GEMIN5: variants seen among roughly 807,000 people sequenced by gnomAD.
GEMIN5 encodes gem nuclear organelle associated protein 5.
GEMIN5 carries 124 observed loss-of-function variants against 176.9 expected under a neutral mutation model. The observed-to-expected ratio is 0.70, with a 90% confidence interval of 0.61 to 0.81. GEMIN5 has a LOEUF of 0.81. Ranked by LOEUF, GEMIN5 falls within the 40% of genes least tolerant of loss-of-function variation. The probability of loss-of-function intolerance (pLI) is 0.00; values close to 1 mark genes in which losing one functional copy is unlikely to be tolerated. For missense variants in GEMIN5, 1,843 were observed against 1,814.6 expected (o/e 1.02, Z -0.28); for synonymous variants, 673 against 665.2 (o/e 1.01, Z -0.18).
intron 5 of GEMIN5, among the ~76,000 whole-genome samples, chr5:154,929,970 T>C (rs1011893979): frequency 9.9e-5 from 15 of 152,128 alleles, no homozygotes; most frequent in African/African-American, 3.6e-4. Flanking sequence ...GAGATATGAG[T>C]TCTAAATTTC....
At chr5:154,906,282 C>T (rs757300922) in intron 16 of GEMIN5, among the ~76,000 whole-genome samples, 3 of 152,196 alleles carry the variant, frequency 2.0e-5, no homozygotes, top group Non-Finnish European at 4.4e-5. Flanking sequence ...AGGCATGAAC[C>T]ACCATGCCCG....
rs756809913 is a variant in GEMIN5 at position 154,921,336 on chromosome 5, T to C, written c.1462+7A>G. On this transcript the variant is annotated splice_region_variant and intron_variant, in intron 10 of 27. Transcript: ENST00000285873. ...CATATTTGTTATGGAATTGTTCAGATACTTACCAAGTGACATGGGGGGTAC... is the reference window on the plus strand; with the variant it reads ...CATATTTGTTATGGAATTGTTCAGACACTTACCAAGTGACATGGGGGGTAC... 1 of 1,106,066 alleles carries C rather than the reference T, an allele frequency of 9.0e-7. No homozygotes were observed. The highest frequency in any genetic ancestry group is 1.4e-6 in the Non-Finnish European group (1 of 719,428). The allele number at this position is 1,106,066 out of a possible 1,614,324, so 68.5% of individuals were successfully genotyped here.
At position 154,937,950 on chromosome 5, in the gene GEMIN5, C is replaced by G; in HGVS notation, c.166+18G>C. The G allele has an allele frequency of 6.4e-7, 1 of 1,556,780 alleles. No individual in the cohort carries two copies. Among genetic ancestry groups the G allele is most frequent in the Non-Finnish European group, 8.7e-7 (1 of 1,154,694 alleles). ...GTACAAAGGGCAGTAAGTCTCGGGC[C>G]CAAGGGTGGTGAGTTACCTCGAAAC... is the stretch of plus-strand genomic sequence containing the variant. On this transcript the variant is annotated intron_variant, in intron 1 of 27. Coordinates refer to ENST00000285873, the MANE Select transcript of GEMIN5 (RefSeq NM_015465.5).
chr5:154,928,994 C>A (rs1212687293), intron 5 of GEMIN5, among the ~76,000 whole-genome samples: 4 of 151,424 alleles, frequency 2.6e-5, no homozygotes, highest in African/African-American at 4.9e-5. Flanking sequence ...GAGGCCGAGG[C>A]GGGAGGATCA....
At chr5:154,891,186 T>C in intron 26 of GEMIN5, 55 bp downstream of exon 26, 2 of 1,527,804 alleles carry the variant, frequency 1.3e-6, no homozygotes, top group Non-Finnish European at 1.8e-6. Context: ...TGAACCACTG[T>C]TCCTAGCCAG....
In GEMIN5 at chr5:154,936,005, T is replaced by C; in HGVS notation, c.345A>G (p.Leu115=). Residue 115 remains leucine (L), a synonymous_variant, in exon 3 of 28, where the codon TTA becomes TTG. Transcript: ENST00000285873. ...AGTCCTTTACTCGAGGAGACCAATG[T>C]AATGTTGATATCGTATGCTTTAAAA... ...HALHQHTIST[L]HWSPRVKDLI... is the part of the protein sequence containing the mutation. 6.2e-7 allele frequency: 1 copy of C among 1,603,190 alleles called. No individual in the cohort carries two copies. Among genetic ancestry groups the C allele is most frequent in the Non-Finnish European group, 8.5e-7 (1 of 1,175,252 alleles).
chr5:154,891,370 T>G lies in GEMIN5; in HGVS notation c.4133A>C (p.Gln1378Pro). ...TCGGATCATTTCTGCCAAGGTCTCT[T>G]GGACTTCAGCAACAGTTCTCTGTGA... ...QNSQRTVAEVQETLAEMIRQH... is the reference protein window; with the variant it reads ...QNSQRTVAEVPETLAEMIRQH... The change falls in exon 26 of 28, where the codon CAA (glutamine) becomes CCA (proline). Residue 1378 changes from glutamine (Q) to proline (P), a missense_variant. Transcript: ENST00000285873. 2 of 1,614,162 alleles carry G rather than the reference T, an allele frequency of 1.2e-6. No individual in the cohort carries two copies. Among genetic ancestry groups the G allele is most frequent in the Non-Finnish European group, 1.7e-6 (2 of 1,180,024 alleles).
intron 11 of GEMIN5, among the ~76,000 whole-genome samples, chr5:154,919,298 C>T (rs994471059): frequency 1.3e-5 from 2 of 152,078 alleles, no homozygotes; most frequent in African/African-American, 2.4e-5. Context: ...CGCCACTGCA[C>T]TCCAGCCTGA....
Position 154,925,924 on chromosome 5 carries a change from A to G in GEMIN5, c.1231T>C (p.Ser411Pro). 7 of 1,613,524 alleles carry G rather than the reference A, an allele frequency of 4.3e-6. No homozygotes were observed. Among genetic ancestry groups the G allele is most frequent in the Non-Finnish European group, 5.9e-6 (7 of 1,179,436 alleles). The change falls in exon 8 of 28, where the codon TCC becomes CCC. Residue 411 changes from serine (S) to proline (P), a missense_variant. Ser to Pro is a moderately conservative substitution (Grantham distance 74). Coordinates refer to ENST00000285873, the MANE Select transcript of GEMIN5 (RefSeq NM_015465.5). ...DGMIRVWNTL[S>P]IKNNYDVKNF... ...TTCACATCATAGTTGTTCTTTATGG[A>G]GAGTGTATTCCATACACGGATCATG...
At chr5:154,891,882 C>T (rs1458790485) in intron 25 of GEMIN5, 140 bp from the exon 26 acceptor site, 1 of 786,056 alleles carries the variant, frequency 1.3e-6, no homozygotes. Context: ...CACCGGGCCA[C>T]ATGCCTTTCC....
At chr5:154,914,813 ATTAAG>A (rs1763780039) in intron 13 of GEMIN5, among the ~76,000 whole-genome samples, 1 of 152,248 alleles carries the variant, frequency 6.6e-6, no homozygotes, top group Admixed American at 6.5e-5. Flanking sequence ...ACTATTATAT[ATTAAG>A]TTAAACTAAC....
At chr5:154,895,074 C>T (rs1047635267) in intron 24 of GEMIN5, among the ~76,000 whole-genome samples, 6 of 134,528 alleles carry the variant, frequency 4.5e-5, no homozygotes, top group East Asian at 2.1e-4. Flanking sequence ...AGTGAAATTC[C>T]GCCTCAAAAA....
intron 13 of GEMIN5, among the ~76,000 whole-genome samples, chr5:154,915,474 T>C (rs927921552): frequency 3.3e-5 from 5 of 152,222 alleles, no homozygotes; most frequent in Admixed American, 3.3e-4. Flanking sequence ...GGGGCCTCAG[T>C]GAAATTTAAG....
chr5:154,937,570 A>T (rs911812206), intron 1 of GEMIN5, among the ~76,000 whole-genome samples: 1 of 152,192 alleles, frequency 6.6e-6, no homozygotes, highest in Admixed American at 6.5e-5. Context: ...ATCTGGTTCA[A>T]CCCATTCATC....
rs569601365 is a variant in GEMIN5 at position 154,913,828 on chromosome 5, A to G, written c.1856-790T>C. 5.9e-5 allele frequency among the ~76,000 whole-genome samples: 9 copies of G among 151,938 alleles called. No individual in the cohort carries two copies. The East Asian group carries it at 1.7e-3, about 29-fold the overall frequency. ...TGAGACCCTGTCTCAAAAAAAAAGG[A>G]AAACACAAAAAACAAAAACCAACCT... is the stretch of plus-strand genomic sequence containing the variant. On this transcript the variant is annotated intron_variant, in intron 13 of 27. Coordinates refer to ENST00000285873, the MANE Select transcript of GEMIN5 (RefSeq NM_015465.5).
At chr5:154,931,099 G>C (rs575479760) in intron 5 of GEMIN5, among the ~76,000 whole-genome samples, 4 of 152,188 alleles carry the variant, frequency 2.6e-5, no homozygotes, top group Non-Finnish European at 5.9e-5. Context: ...TTCTGCATTT[G>C]TGCATTAAAA....
At position 154,927,400 on chromosome 5, in the gene GEMIN5, T is replaced by C. The variant is rs771356068; in HGVS notation, c.1065A>G (p.Thr355=). Residue 355 remains threonine (T), a synonymous_variant, in exon 7 of 28, where the codon ACA becomes ACG. Coordinates refer to ENST00000285873, the MANE Select transcript of GEMIN5 (RefSeq NM_015465.5). ...TEDDKQLLLS[T]SMDRDVKCWD... is the part of the protein sequence containing the mutation. ...GCATTCTTACATCTCTATCCATTGA[T>C]GTAGAAAGTAATAGCTGTTTGTCAT... The C allele has an allele frequency of 3.2e-6, 5 of 1,575,688 alleles. No homozygotes were observed. The highest frequency in any genetic ancestry group is 3.4e-4 in the Middle Eastern group (2 of 5,968).
chr5:154,889,442 AAT>A, intron 26 of GEMIN5, 25 bp from the exon 27 acceptor site: 1 of 1,318,358 alleles, frequency 7.6e-7, no homozygotes, highest in Non-Finnish European at 1.1e-6. Context: ...AAAAGGTGTA[AAT>A]TGTATGTCTT....
chr5:154,936,932 T>C, intron 2 of GEMIN5, 93 bp downstream of exon 2: 1 of 928,212 alleles, frequency 1.1e-6, no homozygotes, highest in East Asian at 2.5e-5. Context: ...ACAAGTTACT[T>C]TGCACAGATG....
Sources: gnomAD v4.1 joint callset for allele counts (sites outside exome capture counted in the v4.1 genomes callset) on GRCh38, gnomAD v4.1.1 for gene constraint, MANE v1.5 for transcripts, NCBI Gene and HGNC (gene_info 2026-07-23, HGNC 2026-07-21) for gene names.